Variants in ZNF550 observed in about 807,000 individuals in gnomAD.
The protein encoded by ZNF550 is zinc finger protein 550.
In ZNF550, 42 loss-of-function variants were observed where a neutral mutation model predicts 40.2. The observed-to-expected ratio is 1.05, with a 90% CI of 0.82 to 1.35. The LOEUF (loss-of-function observed/expected upper bound fraction) is 1.35, where lower values mean the gene tolerates loss of function less well. Ranked by LOEUF, ZNF550 falls within the 40% of genes most tolerant of loss-of-function variation. The pLI, the probability that ZNF550 is intolerant of heterozygous loss-of-function variation, is 0.00. For missense variants in ZNF550, 549 were observed against 525.2 expected (o/e 1.05, Z -0.44); for synonymous variants, 223 against 198.6 (o/e 1.12, Z -1.03).
At chr19:57,552,961 T>C (rs1218507931) in intron 2 of ZNF550, 5 of 432,700 alleles carry the variant, frequency 1.2e-5, no homozygotes, top group Non-Finnish European at 2.1e-5. Flanking sequence ...ACAGGATCTT[T>C]AGAAGGTAAT....
chr19:57,547,675 G>A, exon 4 of ZNF550: 1 of 1,614,170 alleles, frequency 6.2e-7, no homozygotes, highest in Non-Finnish European at 8.5e-7. Context: ...GTCTTTCCCT[G>A]GTTGCTGTGA....
chr19:57,559,503 T>C (rs1013845151), intron 1 of ZNF550, among the ~76,000 whole-genome samples, 153 bp downstream of exon 1: 1 of 152,182 alleles, frequency 6.6e-6, no homozygotes, highest in African/African-American at 2.4e-5. Flanking sequence ...CGGGCCTGCA[T>C]TCCGGACCCG....
exon 5 of ZNF550, chr19:57,542,818 C>T (rs1436746796): frequency 1.3e-5 from 2 of 152,162 alleles, no homozygotes; most frequent in Non-Finnish European, 2.9e-5. Context: ...ACATCTGCCT[C>T]TGTGACCAAA....
At chr19:57,551,922 T>C (rs183588437) in intron 3 of ZNF550, among the ~76,000 whole-genome samples, 1 of 152,282 alleles carries the variant, frequency 6.6e-6, no homozygotes, top group East Asian at 1.9e-4. Flanking sequence ...AACTGGAGGA[T>C]GGATGAGTGG....
At chr19:57,547,232 T>C (rs1464352274) in exon 4 of ZNF550, 2 of 1,614,008 alleles carry the variant, frequency 1.2e-6, no homozygotes, top group Non-Finnish European at 1.7e-6. Context: ...TTCTCTCCAG[T>C]GTGGATGATG....
intron 1 of ZNF550, 83 bp downstream of exon 1, chr19:57,559,573 G>A (rs986269849): frequency 3.7e-6 from 5 of 1,360,462 alleles, no homozygotes; most frequent in African/African-American, 2.9e-5. Context: ...CACTGAGGAC[G>A]ACCCTGAAAC....
chr19:57,551,337 G>A (rs1404888157), intron 3 of ZNF550, among the ~76,000 whole-genome samples: 1 of 152,170 alleles, frequency 6.6e-6, no homozygotes, highest in African/African-American at 2.4e-5. Flanking sequence ...GCAGGGACAA[G>A]AGCTGCCCAG....
At chr19:57,555,495 C>A (rs750854180) in intron 2 of ZNF550, 1 of 152,690 alleles carries the variant, frequency 6.5e-6, no homozygotes, top group Non-Finnish European at 1.5e-5. Flanking sequence ...CGCACCACTG[C>A]GCCCAGCTAA....
intron 3 of ZNF550, among the ~76,000 whole-genome samples, chr19:57,552,189 G>T (rs943143069): frequency 5.3e-5 from 8 of 152,174 alleles, no homozygotes; most frequent in Non-Finnish European, 1.0e-4. Flanking sequence ...CTCTGATTTT[G>T]TTGAGTAGAG....
chr19:57,552,788 C>G, intron 2 of ZNF550, 66 bp from the exon 3 acceptor site: 1 of 1,229,464 alleles, frequency 8.1e-7, no homozygotes, highest in Non-Finnish European at 1.2e-6. Flanking sequence ...CTCCATCTTG[C>G]CTAGGACTTC....
rs1012657530 is a variant in ZNF550, at chr19:57,555,843, GC to G, written c.154+387del. The G allele has an allele frequency of 6.8e-4, 183 of 269,718 alleles. 1 individual carries two copies. Among genetic ancestry groups the G allele is most frequent in the Non-Finnish European group, 1.2e-3 (163 of 137,830 alleles). The allele number at this position is 269,718 out of a possible 1,614,324, so 16.7% of individuals were successfully genotyped here. A position where few individuals can be genotyped will look rare whatever the true frequency, so the allele number is the denominator to read the frequency against. The stretch of plus-strand genomic sequence containing the variant: ...GATGCCTTTTTACAGAGATTGTATT[GC>G]TTAGGAAGATATCCGAGGGGCACTG... On this transcript the variant is annotated intron_variant, in intron 2 of 4. Transcript: ENST00000457177.
intron 4 of ZNF550, chr19:57,544,684 T>G (rs1053647324): frequency 3.3e-5 from 26 of 783,094 alleles, no homozygotes; most frequent in Non-Finnish European, 3.9e-5. Flanking sequence ...TATGAAAACA[T>G]GAATATATAT....
chr19:57,560,154 G>A (rs1319817078), upstream of ZNF550, among the ~76,000 whole-genome samples: 1 of 152,174 alleles, frequency 6.6e-6, no homozygotes, highest in Non-Finnish European at 1.5e-5. Flanking sequence ...CTGCCACGAG[G>A]TTCCCCGCTT....
chr19:57,544,405 T>C (rs2089989725), intron 4 of ZNF550: 2 of 985,332 alleles, frequency 2.0e-6, no homozygotes, highest in African/African-American at 3.5e-5. Flanking sequence ...AAAGAACCCT[T>C]TGATGACAGC....
At chr19:57,551,348 AG>A (rs1266554743) in intron 3 of ZNF550, among the ~76,000 whole-genome samples, 1 of 152,146 alleles carries the variant, frequency 6.6e-6, no homozygotes, top group African/African-American at 2.4e-5. Flanking sequence ...AGCTGCCCAG[AG>A]GAATGGGGCA....
At chr19:57,552,773 A>T (rs2090084902) in intron 2 of ZNF550, 51 bp from the exon 3 acceptor site, 1 of 1,396,904 alleles carries the variant, frequency 7.2e-7, no homozygotes, top group South Asian at 1.2e-5. Context: ...AGAAAATGAA[A>T]GTCTCTCCAT....
At chr19:57,557,708 C>G (rs1230071500) in intron 1 of ZNF550, among the ~76,000 whole-genome samples, 1 of 152,174 alleles carries the variant, frequency 6.6e-6, no homozygotes, top group Non-Finnish European at 1.5e-5. Context: ...TCACTAAGTC[C>G]TCTGGTCCTC....
chr19:57,546,976 C>G, exon 4 of ZNF550: 1 of 1,606,274 alleles, frequency 6.2e-7, no homozygotes, highest in Middle Eastern at 1.8e-4. Flanking sequence ...AGGGTTCTCT[C>G]ATGTATGGAC....
rs930630506 is a variant in ZNF550 at position 57,543,854 on chromosome 19, C to G, written c.*519-611G>C. The G allele has an allele frequency of 8.1e-6, 5 of 619,280 alleles. No homozygotes were observed. The South Asian group carries it at 3.6e-4, about 44-fold the overall frequency. The allele number at this position is 619,280 out of a possible 1,614,324, so 38.4% of individuals were successfully genotyped here. On this transcript the variant is annotated intron_variant, in intron 4 of 4. Coordinates refer to ENST00000457177, the Ensembl canonical transcript of ZNF550. ...TCGGGAGGCTGAGGCAGGAGAATCCCTTGAACTCGGGAGGCAGAAGTTGCA... is the reference window on the plus strand; with the variant it reads ...TCGGGAGGCTGAGGCAGGAGAATCCGTTGAACTCGGGAGGCAGAAGTTGCA...
Sources: allele counts gnomAD v4.1 joint callset (sites outside exome capture counted in the v4.1 genomes callset), GRCh38; gene constraint gnomAD v4.1.1; transcripts MANE v1.5; gene names NCBI Gene and HGNC (gene_info 2026-07-23, HGNC 2026-07-21).